CUX2: variants seen among roughly 807,000 people sequenced by gnomAD.
CUX2 encodes the protein homeobox protein cut-like 2.
A neutral mutation model predicts 144.8 loss-of-function variants in CUX2; 40 were observed. That is an observed-to-expected ratio of 0.28 (90% CI 0.21 to 0.36). The LOEUF (loss-of-function observed/expected upper bound fraction) is 0.36. Ranked by LOEUF, CUX2 falls within the 10% of genes least tolerant of loss-of-function variation. The pLI is 1.00. For synonymous variants in CUX2, 827 were observed against 875.6 expected (o/e 0.94, Z 0.98); for missense variants, 1,615 against 1,994.0 (o/e 0.81, Z 3.62).
chr12:111,299,232 GGTCT>G (rs1172031458), intron 9 of CUX2, among the ~76,000 whole-genome samples: 2 of 152,356 alleles, frequency 1.3e-5, no homozygotes, highest in African/African-American at 2.4e-5. Context: ...CCCGCCCTGA[GGTCT>G]GCGGGCCCGC....
At chr12:111,257,310 TTCC>T (rs1245676590) in intron 3 of CUX2, among the ~76,000 whole-genome samples, 1 of 117,334 alleles carries the variant, frequency 8.5e-6, no homozygotes, top group Non-Finnish European at 1.8e-5. Context: ...CTCCCACTTC[TTCC>T]TCCTCCTCCC....
intron 1 of CUX2, among the ~76,000 whole-genome samples, chr12:111,082,461 G>C (rs907014315): frequency 2.0e-5 from 3 of 152,200 alleles, no homozygotes; most frequent in Admixed American, 2.0e-4. Flanking sequence ...TGCCTACGGT[G>C]TGCCAAGGAC....
At chr12:111,235,202 G>A (rs1000047869) in intron 3 of CUX2, among the ~76,000 whole-genome samples, 1 of 152,166 alleles carries the variant, frequency 6.6e-6, no homozygotes, top group Admixed American at 6.5e-5. Flanking sequence ...CTGGGAGGCG[G>A]GGCTGGGGGA....
chr12:111,211,765 G>A (rs1477352749), intron 1 of CUX2, among the ~76,000 whole-genome samples: 1 of 151,964 alleles, frequency 6.6e-6, no homozygotes, highest in African/African-American at 2.4e-5. Flanking sequence ...GGTGCTTGTA[G>A]TCACAGCTAC....
chr12:111,334,161 T>A, intron 18 of CUX2, among the ~76,000 whole-genome samples: 1 of 149,652 alleles, frequency 6.7e-6, no homozygotes, highest in South Asian at 2.1e-4. Flanking sequence ...CACTCCAGCC[T>A]AGGCAACAGA....
chr12:111,089,805 TAAGCAGGC>T (rs2136052833), intron 1 of CUX2, among the ~76,000 whole-genome samples: 1 of 152,314 alleles, frequency 6.6e-6, no homozygotes, highest in Non-Finnish European at 1.5e-5. Context: ...GCTTGAGCAT[TAAGCAGGC>T]AAAAAGCAGA....
chr12:111,282,348 C>G (rs894127710), intron 4 of CUX2, among the ~76,000 whole-genome samples: 2 of 150,884 alleles, frequency 1.3e-5, no homozygotes, highest in Non-Finnish European at 3.0e-5. Context: ...TACCACAGGC[C>G]GTGCGCCTTG....
intron 1 of CUX2, among the ~76,000 whole-genome samples, chr12:111,085,541 T>C (rs1872158296): frequency 6.6e-6 from 1 of 152,176 alleles, no homozygotes; most frequent in South Asian, 2.1e-4. Context: ...ATTCTGTAAA[T>C]ACTTTTGGTC....
Position 111,304,131 on chromosome 12 carries a change from C to T in CUX2, c.754-79C>T, listed in dbSNP as rs1886457465. ...CCCTCGGAGGTCTGCCTCCCCAACC[C>T]CTGCCTGAAACAGTGCAGGGAGAAG... On this transcript the variant is annotated intron_variant, in intron 9 of 21. Coordinates refer to ENST00000261726, the MANE Select transcript of CUX2 (RefSeq NM_015267.4). This position sits in a 1 kb window ranked among gnomAD's most constrained non-coding sequence, Gnocchi z 4.7. 2 of 1,221,280 alleles carry T rather than the reference C, an allele frequency of 1.6e-6. No homozygotes were observed. Among genetic ancestry groups the T allele is most frequent in the African/African-American group, 1.5e-5 (1 of 67,226 alleles). The allele number at this position is 1,221,280 out of a possible 1,614,324, so 75.7% of individuals were successfully genotyped here.
rs1183255206 is a variant in CUX2, at chr12:111,035,944, G to A, written c.63+1704G>A. On this transcript the variant is annotated intron_variant, in intron 1 of 21. Coordinates refer to ENST00000261726, the MANE Select transcript of CUX2 (RefSeq NM_015267.4). This position sits in a 1 kb window ranked among gnomAD's most constrained non-coding sequence, Gnocchi z 6.0. ...AAAGTGGCCTTTCTGGAAGAGTGGG[G>A]GTTATGGAGGCAGAGAGAGAGAGAG... Among the ~76,000 whole-genome samples the A allele has an allele frequency of 6.6e-6, 1 of 152,142 alleles. No individual in the cohort carries two copies. Among genetic ancestry groups the A allele is most frequent in the African/African-American group, 2.4e-5 (1 of 41,426 alleles).
chr12:111,136,942 C>CTTT (rs111985672), intron 1 of CUX2, among the ~76,000 whole-genome samples: 7 of 144,282 alleles, frequency 4.9e-5, no homozygotes, highest in African/African-American at 1.5e-4. Flanking sequence ...TTTTTTATGG[C>CTTT]TTTTTTTTTT....
intron 1 of CUX2, among the ~76,000 whole-genome samples, chr12:111,050,898 C>T (rs937497199): frequency 4.6e-5 from 7 of 152,170 alleles, no homozygotes; most frequent in Admixed American, 2.0e-4. Flanking sequence ...TGGGTACAAA[C>T]ATACAATTAG....
intron 1 of CUX2, among the ~76,000 whole-genome samples, chr12:111,052,964 C>T (rs1026197622): frequency 6.6e-6 from 1 of 152,074 alleles, no homozygotes. Context: ...TGCTGAAGCT[C>T]CCCCACCCCC....
intron 1 of CUX2, among the ~76,000 whole-genome samples, chr12:111,201,302 C>T (rs1382746938): frequency 6.6e-6 from 1 of 152,184 alleles, no homozygotes; most frequent in Non-Finnish European, 1.5e-5. Flanking sequence ...CGGTTCCCTG[C>T]AGCTGCCTGG....
At chr12:111,151,736 G>T (rs1273308123) in intron 1 of CUX2, among the ~76,000 whole-genome samples, 2 of 152,142 alleles carry the variant, frequency 1.3e-5, no homozygotes, top group African/African-American at 4.8e-5. Context: ...AGGAAGGCAG[G>T]GAGATCTCTG....
intron 1 of CUX2, among the ~76,000 whole-genome samples, chr12:111,176,738 G>C (rs1300412544): frequency 2.0e-5 from 3 of 152,216 alleles, no homozygotes. Flanking sequence ...CATCAGGGCT[G>C]CTTTCCTTTG....
chr12:111,165,141 T>G (rs1878058084), intron 1 of CUX2, among the ~76,000 whole-genome samples: 2 of 152,216 alleles, frequency 1.3e-5, no homozygotes, highest in Admixed American at 6.5e-5. Context: ...AGGGCCTCTG[T>G]GTCGTAAGGG....
At chr12:111,269,360 G>A (rs1403427715) in intron 4 of CUX2, among the ~76,000 whole-genome samples, 2 of 152,162 alleles carry the variant, frequency 1.3e-5, no homozygotes, top group Non-Finnish European at 2.9e-5. Flanking sequence ...TACTTCATCA[G>A]TGAGACCCCC....
rs1322757306 is a variant in CUX2 at position 111,160,894 on chromosome 12, C to T, written c.64-53306C>T. 6.6e-6 allele frequency among the ~76,000 whole-genome samples: 1 copy of T among 152,150 alleles called. No individual in the cohort carries two copies. The highest frequency in any genetic ancestry group is 2.4e-5 in the African/African-American group (1 of 41,426). On this transcript the variant is annotated intron_variant, in intron 1 of 21. Coordinates refer to ENST00000261726, the MANE Select transcript of CUX2 (RefSeq NM_015267.4). The surrounding 1 kb of genome is among the most constrained non-coding windows in gnomAD (Gnocchi z 4.1). ...GGGTGGACTCCGTGCCGCTTCCTGCCATGGGGAAGATGCAGGGAGGAATAG... is the reference window on the plus strand; with the variant it reads ...GGGTGGACTCCGTGCCGCTTCCTGCTATGGGGAAGATGCAGGGAGGAATAG...
Sources: gnomAD v4.1 joint callset for allele counts (sites outside exome capture counted in the v4.1 genomes callset) on GRCh38, gnomAD v4.1.1 for gene constraint, Gnocchi (gnomAD v3.1) non-coding constraint, MANE v1.5 for transcripts, NCBI Gene and HGNC (gene_info 2026-07-23, HGNC 2026-07-21) for gene names.